The following PDGFD variants were observed in gnomAD, a reference collection of about 807,000 sequenced individuals.
PDGFD encodes the protein platelet-derived growth factor D.
In PDGFD, 30 loss-of-function variants were observed where a neutral mutation model predicts 44.7. That is an observed-to-expected ratio of 0.67 (90% CI 0.50 to 0.91). The LOEUF (loss-of-function observed/expected upper bound fraction) is 0.91, where lower values mean the gene tolerates loss of function less well. Among genes scored for constraint, PDGFD ranks in the 40% least tolerant of loss-of-function variants. The pLI, the probability that PDGFD is intolerant of heterozygous loss-of-function variation, is 0.00. For missense variants in PDGFD, 445 were observed against 457.8 expected, an observed-to-expected ratio of 0.97 and a Z score of 0.25; for synonymous variants, 173 against 168.4, an observed-to-expected ratio of 1.03 and a Z score of -0.21.
At chr11:103,938,500 A>G (rs1858529697) in intron 5 of PDGFD, among the ~76,000 whole-genome samples, 1 of 152,246 alleles carries the variant, frequency 6.6e-6, no homozygotes, top group South Asian at 2.1e-4. Context: ...CCCATTCTGT[A>G]AGTTGCCTGT....
chr11:104,061,837 G>A (rs1197455728), intron 1 of PDGFD, among the ~76,000 whole-genome samples: 3 of 152,044 alleles, frequency 2.0e-5, no homozygotes, highest in African/African-American at 7.2e-5. Context: ...TGAACGCCTG[G>A]CCTCAAGTGA....
At chr11:104,137,484 G>A (rs361271) in intron 1 of PDGFD, among the ~76,000 whole-genome samples, 36,961 of 151,720 alleles carry the variant, frequency 0.24, 4,682 homozygotes, top group African/African-American at 0.33. Flanking sequence ...AAAATTTATC[G>A]TATTGTTTCT....
chr11:103,947,400 A>G (rs1858681944), intron 4 of PDGFD, among the ~76,000 whole-genome samples: 1 of 152,046 alleles, frequency 6.6e-6, no homozygotes, highest in South Asian at 2.1e-4. Flanking sequence ...CTCTGCTCTG[A>G]AAATGAAAAA....
chr11:104,124,380 G>C (rs1407439070), intron 1 of PDGFD, among the ~76,000 whole-genome samples: 4 of 152,054 alleles, frequency 2.6e-5, no homozygotes, highest in Non-Finnish European at 4.4e-5. Flanking sequence ...GTATAATATG[G>C]TGGTGAATTC....
chr11:104,152,085 G>GCCT (rs910634868), intron 1 of PDGFD, among the ~76,000 whole-genome samples: 1 of 152,154 alleles, frequency 6.6e-6, no homozygotes, highest in Non-Finnish European at 1.5e-5. Context: ...GCTCCATGGT[G>GCCT]CCTCATCCAG....
chr11:103,960,882 G>C (rs1565295985), intron 3 of PDGFD, among the ~76,000 whole-genome samples: 1 of 152,146 alleles, frequency 6.6e-6, no homozygotes, highest in East Asian at 1.9e-4. Context: ...TTTCTCTCAT[G>C]TCTCTTCTTA....
At chr11:104,090,354 T>G (rs2134436471) in intron 1 of PDGFD, among the ~76,000 whole-genome samples, 2 of 151,886 alleles carry the variant, frequency 1.3e-5, no homozygotes, top group East Asian at 3.9e-4. Context: ...GCACAGTGGC[T>G]CATGCCTATG....
chr11:104,000,631 C>T (rs912983936), intron 1 of PDGFD, among the ~76,000 whole-genome samples: 3 of 152,212 alleles, frequency 2.0e-5, no homozygotes, highest in Non-Finnish European at 4.4e-5. Flanking sequence ...TCCCTAAATT[C>T]TTCACAAATC....
chr11:104,024,184 G>T (rs1245920217), intron 1 of PDGFD, among the ~76,000 whole-genome samples: 1 of 151,884 alleles, frequency 6.6e-6, no homozygotes, highest in African/African-American at 2.4e-5. Flanking sequence ...TTTTATCTCG[G>T]GTTATAAATT....
At chr11:104,157,183 G>T (rs114827704) in intron 1 of PDGFD, among the ~76,000 whole-genome samples, 4,132 of 152,264 alleles carry the variant, frequency 0.027, 205 homozygotes, top group African/African-American at 0.094. Context: ...ACCAGGGCGA[G>T]GGGGGTACCT....
At chr11:103,924,978 G>A (rs906572720) in intron 6 of PDGFD, among the ~76,000 whole-genome samples, 5 of 148,780 alleles carry the variant, frequency 3.4e-5, no homozygotes, top group Middle Eastern at 3.2e-3. Context: ...CCAACCCACC[G>A]ACAGCCCCCA....
intron 1 of PDGFD, among the ~76,000 whole-genome samples, chr11:104,098,604 C>G (rs620426): frequency 0.7 from 106,603 of 151,264 alleles, 37,908 homozygotes; most frequent in East Asian, 0.98. Flanking sequence ...AACCTCCCAG[C>G]CTCAAGAGAT....
At chr11:104,052,172 T>C (rs1408023130) in intron 1 of PDGFD, among the ~76,000 whole-genome samples, 1 of 152,186 alleles carries the variant, frequency 6.6e-6, no homozygotes, top group Non-Finnish European at 1.5e-5. Context: ...GACTTATCCA[T>C]ATTGTAGCAT....
intron 3 of PDGFD, among the ~76,000 whole-genome samples, chr11:103,974,453 A>C (rs1859152034): frequency 6.6e-6 from 1 of 152,006 alleles, no homozygotes; most frequent in African/African-American, 2.4e-5. Flanking sequence ...AGCTGTTCAC[A>C]CTTTTATTTA....
chr11:103,967,029 G>A (rs189078323), intron 3 of PDGFD, among the ~76,000 whole-genome samples: 15 of 152,116 alleles, frequency 9.9e-5, no homozygotes, highest in African/African-American at 3.6e-4. Context: ...TCAAACCATT[G>A]ATATTTTTAG....
intron 1 of PDGFD, among the ~76,000 whole-genome samples, chr11:104,007,871 T>C (rs1227124898): frequency 6.7e-6 from 1 of 149,602 alleles, no homozygotes; most frequent in Non-Finnish European, 1.5e-5. Context: ...CAGTATAGTT[T>C]ATAAACACCC....
At chr11:104,151,238 C>T (rs1267229764) in intron 1 of PDGFD, among the ~76,000 whole-genome samples, 2 of 152,044 alleles carry the variant, frequency 1.3e-5, no homozygotes, top group African/African-American at 4.8e-5. Flanking sequence ...GGCCAACTAA[C>T]TGGTCCTGTA....
chr11:103,956,584 G>A lies in PDGFD; in HGVS notation c.511-8860C>T, dbSNP rs1032335598. 1.3e-4 allele frequency among the ~76,000 whole-genome samples: 19 copies of A among 151,534 alleles called. 1 individual carries two copies. The highest frequency in any genetic ancestry group is 3.9e-4 in the Admixed American group (6 of 15,220). On this transcript the variant is annotated intron_variant, in intron 3 of 6. Coordinates refer to ENST00000393158, the MANE Select transcript of PDGFD (RefSeq NM_025208.5). ...TCCTTTGGGTATATATCCAGTAATG[G>A]GATGGCTGGGTCAAATGGTATTTCT...
At chr11:104,093,893 A>T (rs1488099565) in intron 1 of PDGFD, among the ~76,000 whole-genome samples, 1 of 149,666 alleles carries the variant, frequency 6.7e-6, no homozygotes, top group Non-Finnish European at 1.5e-5. Flanking sequence ...CATTAAAAAA[A>T]ATTCCTCTTA....
Sources: gnomAD v4.1 joint callset for allele counts (sites outside exome capture counted in the v4.1 genomes callset) on GRCh38, gnomAD v4.1.1 for gene constraint, MANE v1.5 for transcripts, NCBI Gene and HGNC (gene_info 2026-07-23, HGNC 2026-07-21) for gene names.